PXDNL: variants seen among roughly 807,000 people sequenced by gnomAD.
PXDNL encodes the protein peroxidasin like, also known as probable oxidoreductase PXDNL.
In PXDNL, 145 loss-of-function variants were observed where a neutral mutation model predicts 150.8. The ratio of observed to expected loss-of-function variants is 0.96; its 90% CI spans 0.84 to 1.10. PXDNL has a LOEUF of 1.10. PXDNL is among the 50% of genes least tolerant of loss of function. PXDNL has a pLI of 0.00. For synonymous variants in PXDNL, 757 were observed against 725.7 expected (o/e 1.04, Z -0.69); for missense variants, 2,087 against 1,873.9 (o/e 1.11, Z -2.10).
intron 1 of PXDNL, among the ~76,000 whole-genome samples, chr8:51,695,953 AAAG>A (rs1479098855): frequency 1.3e-5 from 2 of 152,216 alleles, no homozygotes; most frequent in Non-Finnish European, 2.9e-5. Flanking sequence ...GGGCTGACAC[AAAG>A]AAGTACATTT....
intron 1 of PXDNL, among the ~76,000 whole-genome samples, chr8:51,735,541 T>TG (rs1563304294): frequency 8.4e-5 from 10 of 118,352 alleles, no homozygotes; most frequent in Admixed American, 4.8e-4. Flanking sequence ...TTTTTTTTTT[T>TG]TTTTTTTTTT....
chr8:51,374,424 G>A (rs947615159), intron 18 of PXDNL, among the ~76,000 whole-genome samples, 173 bp downstream of exon 18: 2 of 152,130 alleles, frequency 1.3e-5, no homozygotes, highest in Admixed American at 1.3e-4. Context: ...AAAAATAAAT[G>A]TTATCTGATA....
intron 2 of PXDNL, among the ~76,000 whole-genome samples, chr8:51,634,892 T>C (rs1406688996): frequency 6.7e-6 from 1 of 149,354 alleles, no homozygotes; most frequent in Non-Finnish European, 1.5e-5. Flanking sequence ...ATCTTTAGGG[T>C]TTTGTAGGTA....
intron 1 of PXDNL, among the ~76,000 whole-genome samples, chr8:51,793,700 C>T (rs576043289): frequency 2.6e-5 from 4 of 152,106 alleles, no homozygotes; most frequent in South Asian, 2.1e-4. Flanking sequence ...ACCAGCCTGG[C>T]GAACATAGTG....
At chr8:51,342,894 A>AG in intron 20 of PXDNL, among the ~76,000 whole-genome samples, 1 of 151,764 alleles carries the variant, frequency 6.6e-6, no homozygotes, top group Non-Finnish European at 1.5e-5. Flanking sequence ...AAAAAAAAAA[A>AG]AAAAAGGGCC....
intron 17 of PXDNL, among the ~76,000 whole-genome samples, chr8:51,390,132 G>C (rs1053381256): frequency 6.6e-6 from 1 of 152,034 alleles, no homozygotes; most frequent in Non-Finnish European, 1.5e-5. Context: ...GAGAAAATGA[G>C]GATATAGGCC....
rs147886676 is a variant in PXDNL, at chr8:51,524,585, A to G, written c.381-24815T>C. On this transcript the variant is annotated intron_variant, in intron 4 of 22. Transcript: ENST00000356297. ...CACAAAACATAAATGTATAAAATTC[A>G]GTTTTTATTTTAGATGTGAAACTTT... Among the ~76,000 whole-genome samples the G allele has an allele frequency of 8.2e-3, 1,242 of 152,320 alleles. 19 individuals are homozygous for G. The highest frequency in any genetic ancestry group is 0.028 in the African/African-American group (1,160 of 41,578).
At chr8:51,333,615 A>G (rs1001056656) in intron 21 of PXDNL, among the ~76,000 whole-genome samples, 3 of 152,180 alleles carry the variant, frequency 2.0e-5, no homozygotes. Context: ...CACCTCACAC[A>G]TAAGGACTCA....
intron 2 of PXDNL, among the ~76,000 whole-genome samples, chr8:51,631,012 G>A (rs752318214): frequency 1.3e-5 from 2 of 151,910 alleles, no homozygotes; most frequent in Non-Finnish European, 2.9e-5. Context: ...TCATAACAAC[G>A]AAGACACAGA....
intron 15 of PXDNL, 101 bp downstream of exon 15, chr8:51,413,049 C>T (rs1808696584): frequency 1.4e-6 from 1 of 706,052 alleles, no homozygotes; most frequent in Non-Finnish European, 2.5e-6. Context: ...AAAGAAAGCA[C>T]TCTATTGCAT....
chr8:51,404,532 T>C (rs1423736345), intron 17 of PXDNL, among the ~76,000 whole-genome samples: 2 of 151,442 alleles, frequency 1.3e-5, no homozygotes, highest in Non-Finnish European at 2.9e-5. Context: ...TTGGTGTGTT[T>C]ACAATCCCAT....
At chr8:51,640,335 T>C (rs201673870) in intron 2 of PXDNL, among the ~76,000 whole-genome samples, 58,672 of 151,330 alleles carry the variant, frequency 0.39, 13,896 homozygotes, top group African/African-American at 0.69. Context: ...TTCAACATAG[T>C]GTTGGAAGTT....
At chr8:51,378,117 C>T (rs561426171) in intron 17 of PXDNL, among the ~76,000 whole-genome samples, 2 of 140,284 alleles carry the variant, frequency 1.4e-5, no homozygotes, top group East Asian at 4.2e-4. Context: ...TCTGGTGGGG[C>T]GTTGGAGAAC....
chr8:51,730,322 A>G (rs1816894875), intron 1 of PXDNL, among the ~76,000 whole-genome samples: 1 of 152,202 alleles, frequency 6.6e-6, no homozygotes, highest in Non-Finnish European at 1.5e-5. Flanking sequence ...CCTTTTCTGA[A>G]TTTTTTTCCT....
At chr8:51,534,165 G>A (rs1811991265) in intron 4 of PXDNL, among the ~76,000 whole-genome samples, 1 of 141,020 alleles carries the variant, frequency 7.1e-6, no homozygotes, top group Admixed American at 6.7e-5. Context: ...GAGCGCCTCT[G>A]CTGGGCCACA....
chr8:51,544,551 C>A (rs1476280045), intron 4 of PXDNL, among the ~76,000 whole-genome samples: 1 of 152,090 alleles, frequency 6.6e-6, no homozygotes, highest in South Asian at 2.1e-4. Context: ...TAGAAAATAA[C>A]CTAATGCAAC....
At chr8:51,748,881 C>A (rs1335506751) in intron 1 of PXDNL, among the ~76,000 whole-genome samples, 1 of 152,020 alleles carries the variant, frequency 6.6e-6, no homozygotes, top group African/African-American at 2.4e-5. Context: ...TGTTTGTTTT[C>A]AAAATTAGGA....
intron 12 of PXDNL, among the ~76,000 whole-genome samples, chr8:51,438,024 G>A: frequency 6.6e-6 from 1 of 152,078 alleles, no homozygotes; most frequent in East Asian, 1.9e-4. Context: ...CAACCAAATT[G>A]AGAATCAAAT....
chr8:51,632,869 T>A (rs955750035), intron 2 of PXDNL, among the ~76,000 whole-genome samples: 6 of 152,036 alleles, frequency 3.9e-5, no homozygotes, highest in Non-Finnish European at 7.4e-5. Context: ...CTTTTGTTTT[T>A]TGTTTTGTTT....
Sources: gnomAD v4.1 joint callset for allele counts (sites outside exome capture counted in the v4.1 genomes callset) on GRCh38, gnomAD v4.1.1 for gene constraint, MANE v1.5 for transcripts, NCBI Gene and HGNC (gene_info 2026-07-23, HGNC 2026-07-21) for gene names.